LARGE1: variants seen among roughly 807,000 people sequenced by gnomAD.
LARGE1 encodes the protein LARGE xylosyl- and glucuronyltransferase 1, also known as xylosyl- and glucuronyltransferase LARGE1.
A neutral mutation model predicts 87.6 loss-of-function variants in LARGE1; 43 were observed. The ratio of observed to expected loss-of-function variants is 0.49; its 90% CI spans 0.38 to 0.63. The LOEUF is 0.63. Ranked by LOEUF, LARGE1 falls within the 30% of genes least tolerant of loss-of-function variation. The pLI, the probability that LARGE1 is intolerant of heterozygous loss-of-function variation, is 0.00. For synonymous variants in LARGE1, 434 were observed against 394.6 expected (o/e 1.10, Z -1.18); for missense variants, 802 against 1,000.2 (o/e 0.80, Z 2.67).
intron 6 of LARGE1, among the ~76,000 whole-genome samples, chr22:33,542,846 G>T (rs1428279445): frequency 6.6e-6 from 1 of 152,064 alleles, no homozygotes; most frequent in Non-Finnish European, 1.5e-5. Flanking sequence ...GGATCAGAAA[G>T]GTAGAGGGAC....
At chr22:33,315,285 T>A (rs927065999) in intron 11 of LARGE1, among the ~76,000 whole-genome samples, 1 of 152,196 alleles carries the variant, frequency 6.6e-6, no homozygotes, top group Non-Finnish European at 1.5e-5. Flanking sequence ...GAACGTGTTA[T>A]ACAACTCCCG....
intron 1 of LARGE1, among the ~76,000 whole-genome samples, chr22:33,866,548 G>T (rs2064110092): frequency 6.6e-6 from 1 of 152,128 alleles, no homozygotes; most frequent in African/African-American, 2.4e-5. Context: ...GTGACCTTGG[G>T]TGAGTTACTT....
intron 6 of LARGE1, among the ~76,000 whole-genome samples, chr22:33,498,203 A>G (rs981753978): frequency 6.6e-6 from 1 of 152,044 alleles, no homozygotes; most frequent in African/African-American, 2.4e-5. Flanking sequence ...TATTTTTCCA[A>G]TAAGAAAGCT....
chr22:33,249,555 C>G (rs1361565982), intron 11 of LARGE1, among the ~76,000 whole-genome samples: 1 of 152,154 alleles, frequency 6.6e-6, no homozygotes, highest in African/African-American at 2.4e-5. Flanking sequence ...TGAAGTCTAG[C>G]CTATTAGTTA....
intron 2 of LARGE1, among the ~76,000 whole-genome samples, chr22:33,706,271 C>G (rs1031354820): frequency 2.0e-5 from 3 of 152,172 alleles, no homozygotes; most frequent in Non-Finnish European, 4.4e-5. Context: ...ATGGATCACA[C>G]GGCTCAGCCC....
At chr22:33,265,642 A>G (rs1225808570) in intron 11 of LARGE1, among the ~76,000 whole-genome samples, 26 of 152,162 alleles carry the variant, frequency 1.7e-4, no homozygotes, top group Admixed American at 1.6e-3. Context: ...CATGAGGGCA[A>G]GGATAGTGTC....
chr22:33,188,199 G>GT lies in LARGE1; in HGVS notation c.1731-21368dup. On this transcript the variant is annotated intron_variant, in intron 11 of 11. Coordinates refer to the LARGE1 transcript ENST00000608642. Reference sequence around the variant, plus strand: ...AATAAATAAATACTCTTGTTCATAAGTCACCCATCCTATGGTATTTTGTTA... The same window carrying GT: ...AATAAATAAATACTCTTGTTCATAAGTTCACCCATCCTATGGTATTTTGTTA... Among the ~76,000 whole-genome samples, 6 of 152,050 alleles carry GT rather than the reference G, an allele frequency of 3.9e-5. 1 individual carries two copies. In the South Asian group the frequency reaches 1.2e-3, roughly 32 times the overall value.
intron 11 of LARGE1, among the ~76,000 whole-genome samples, chr22:33,177,422 C>T (rs1010824375): frequency 2.1e-4 from 32 of 152,108 alleles, no homozygotes; most frequent in African/African-American, 7.5e-4. Context: ...ATTTAACAAA[C>T]ATGCATGGCA....
chr22:33,701,643 G>A (rs2082406648), intron 2 of LARGE1, among the ~76,000 whole-genome samples: 1 of 152,188 alleles, frequency 6.6e-6, no homozygotes, highest in Non-Finnish European at 1.5e-5. Context: ...TGGAAGAGAA[G>A]GCCAAAAACG....
chr22:33,223,687 C>T (rs1308904105), intron 11 of LARGE1, among the ~76,000 whole-genome samples: 1 of 152,194 alleles, frequency 6.6e-6, no homozygotes, highest in Non-Finnish European at 1.5e-5. Context: ...AGGTCACCTA[C>T]TGGATTAGGC....
chr22:33,167,607 CA>C (rs1308479941), intron 11 of LARGE1, among the ~76,000 whole-genome samples: 1 of 152,102 alleles, frequency 6.6e-6, no homozygotes, highest in African/African-American at 2.4e-5. Flanking sequence ...ATTCGAGATT[CA>C]AAGAAGTAAT....
chr22:33,256,656 T>A (rs1279477608), intron 11 of LARGE1, among the ~76,000 whole-genome samples: 3 of 152,204 alleles, frequency 2.0e-5, no homozygotes, highest in Non-Finnish European at 4.4e-5. Flanking sequence ...AAAAGTAGCA[T>A]CTATTCAGCA....
At chr22:33,255,221 A>G (rs555973105) in intron 11 of LARGE1, among the ~76,000 whole-genome samples, 1 of 152,322 alleles carries the variant, frequency 6.6e-6, no homozygotes, top group South Asian at 2.1e-4. Flanking sequence ...TACAGGCGTG[A>G]GCCACCGTGC....
chr22:33,460,971 A>G (rs2068358019), intron 6 of LARGE1, among the ~76,000 whole-genome samples: 1 of 152,046 alleles, frequency 6.6e-6, no homozygotes, highest in South Asian at 2.1e-4. Context: ...GCCTGGCAGA[A>G]GCAAATACAA....
chr22:33,185,015 C>A (rs1923401816), intron 11 of LARGE1, among the ~76,000 whole-genome samples: 1 of 152,110 alleles, frequency 6.6e-6, no homozygotes, highest in East Asian at 1.9e-4. Context: ...TAAAATTAAA[C>A]ATAATTTAGT....
At chr22:33,254,271 G>A (rs1387119920) in intron 11 of LARGE1, among the ~76,000 whole-genome samples, 1 of 152,172 alleles carries the variant, frequency 6.6e-6, no homozygotes, top group Non-Finnish European at 1.5e-5. Context: ...TGTGTGACTG[G>A]ACTGGGGAGC....
chr22:33,563,880 C>T (rs1035096856), intron 6 of LARGE1, among the ~76,000 whole-genome samples: 3 of 152,174 alleles, frequency 2.0e-5, no homozygotes, highest in Non-Finnish European at 4.4e-5. Context: ...AGCTCAGAAG[C>T]CCTGAGAAGG....
At chr22:33,392,661 A>C (rs1413197735) in intron 7 of LARGE1, among the ~76,000 whole-genome samples, 1 of 151,966 alleles carries the variant, frequency 6.6e-6, no homozygotes, top group African/African-American at 2.4e-5. Context: ...TCTGTCTTAA[A>C]AACAACAACA....
chr22:33,121,493 G>A, the LARGE1 span, among the ~76,000 whole-genome samples: 2 of 152,148 alleles, frequency 1.3e-5, no homozygotes, highest in Non-Finnish European at 2.9e-5. Context: ...CCCAAACCTG[G>A]GAATACAAAT....
Sources: gnomAD v4.1 joint callset for allele counts (sites outside exome capture counted in the v4.1 genomes callset) on GRCh38, gnomAD v4.1.1 for gene constraint, MANE v1.5 for transcripts, NCBI Gene and HGNC (gene_info 2026-07-23, HGNC 2026-07-21) for gene names.